Variants in CPSF4L observed in about 807,000 individuals in gnomAD.
The protein encoded by CPSF4L is putative cleavage and polyadenylation specificity factor subunit 4-like protein.
A neutral mutation model predicts 24.0 loss-of-function variants in CPSF4L; 18 were observed. The observed-to-expected ratio is 0.75, with a 90% CI of 0.52 to 1.11. The LOEUF is 1.11. CPSF4L is among the 50% of genes least tolerant of loss of function. CPSF4L has a pLI of 0.00. For synonymous variants in CPSF4L, 72 were observed against 77.2 expected, an observed-to-expected ratio of 0.93 and a Z score of 0.35; for missense variants, 211 against 221.8, an observed-to-expected ratio of 0.95 and a Z score of 0.31.
chr17:73,245,032 C>A, downstream of CPSF4L: 2 of 752,388 alleles, frequency 2.7e-6, no homozygotes, highest in South Asian at 2.0e-5. Context: ...GAAAGTGAAA[C>A]AAACTTCTCA....
chr17:73,252,765 C>A, intron 4 of CPSF4L, 42 bp from the exon 5 acceptor site: 1 of 1,408,144 alleles, frequency 7.1e-7, no homozygotes, highest in South Asian at 1.3e-5. Flanking sequence ...TCCGCTTCAG[C>A]AAGAGGGGAA....
At chr17:73,249,444 TAGC>T (rs1208095614) in intron 5 of CPSF4L, among the ~76,000 whole-genome samples, 1 of 152,282 alleles carries the variant, frequency 6.6e-6, no homozygotes, top group Middle Eastern at 3.4e-3. Flanking sequence ...GTTCATCACA[TAGC>T]AGCCCCCATT....
intron 5 of CPSF4L, chr17:73,250,004 A>G (rs186649807): frequency 4.9e-6 from 2 of 407,588 alleles, no homozygotes; most frequent in Admixed American, 4.3e-5. Flanking sequence ...TTTTGGTTTT[A>G]TGTACATTTT....
At chr17:73,257,887 A>G (rs2062029754) in intron 2 of CPSF4L, 54 bp from the exon 3 acceptor site, 1 of 1,540,522 alleles carries the variant, frequency 6.5e-7, no homozygotes, top group Non-Finnish European at 8.8e-7. Context: ...GCCTGGGCCC[A>G]GCTCAGCCCT....
At chr17:73,258,631 T>A (rs1306953229) in intron 2 of CPSF4L, among the ~76,000 whole-genome samples, 3 of 152,218 alleles carry the variant, frequency 2.0e-5, no homozygotes, top group Admixed American at 2.0e-4. Flanking sequence ...GCACAGCTGT[T>A]CCCACTACCA....
intron 2 of CPSF4L, among the ~76,000 whole-genome samples, chr17:73,259,667 G>A (rs371184451): frequency 8.5e-5 from 13 of 152,226 alleles, no homozygotes; most frequent in African/African-American, 2.9e-4. Flanking sequence ...GGTCCTGGGT[G>A]CACAAGGCCT....
chr17:73,245,412 G>A, downstream of CPSF4L: 1 of 1,204,196 alleles, frequency 8.3e-7, no homozygotes, highest in Non-Finnish European at 1.0e-6. Flanking sequence ...TTCTTGGCTT[G>A]CTCTCAGGAG....
chr17:73,242,163 CGTGGATCCT>C, the CPSF4L span: 1 of 868,780 alleles, frequency 1.2e-6, no homozygotes, highest in Non-Finnish European at 1.8e-6. Flanking sequence ...GAGGCTTAGC[CGTGGATCCT>C]TCGGCACTGG....
At chr17:73,257,941 C>A (rs1389241055) in intron 2 of CPSF4L, 108 bp from the exon 3 acceptor site, 3 of 1,204,256 alleles carry the variant, frequency 2.5e-6, no homozygotes, top group Admixed American at 2.3e-5. Flanking sequence ...TCCCCAGCGG[C>A]TGTCCCCTTA....
At chr17:73,250,177 G>A in intron 5 of CPSF4L, 1 of 1,487,210 alleles carries the variant, frequency 6.7e-7, no homozygotes, top group Admixed American at 2.1e-5. Context: ...GGCTTACTGT[G>A]GAACTTGGGA....
At chr17:73,249,945 T>G in intron 5 of CPSF4L, 4 of 265,888 alleles carry the variant, frequency 1.5e-5, no homozygotes, top group Non-Finnish European at 2.8e-5. Context: ...GACCTGTTGG[T>G]AGGAGCTGAG....
intron 5 of CPSF4L, chr17:73,250,899 A>G: frequency 8.4e-7 from 1 of 1,185,538 alleles, no homozygotes; most frequent in South Asian, 1.8e-5. Flanking sequence ...GTCATTCTCC[A>G]GCTCCCTGAT....
chr17:73,260,967 C>T lies in CPSF4L; in HGVS notation c.120G>A (p.Val40=), dbSNP rs1450979518. ...FQGMDKSASA[V]CNFFTKGLCE... is the part of the protein sequence containing the mutation. ...AGAGCCCTTTAGTGAAGAAGTTGCACACAGCTGAGGCCGACTCTGGAAGGA... is the reference window on the plus strand; with the variant it reads ...AGAGCCCTTTAGTGAAGAAGTTGCATACAGCTGAGGCCGACTCTGGAAGGA... The change falls in exon 2 of 6, where the codon GTG becomes GTA. Residue 40 remains valine (V), a synonymous_variant. Transcript: ENST00000344935. The T allele has an allele frequency of 6.4e-7, 1 of 1,550,504 alleles. No homozygotes were observed. The highest frequency in any genetic ancestry group is 8.7e-7 in the Non-Finnish European group (1 of 1,146,258).
At position 73,253,899 on chromosome 17, in the gene CPSF4L, C is replaced by T. The variant is rs899995888; in HGVS notation, c.403+32G>A. The T allele has an allele frequency of 3.4e-6, 5 of 1,470,944 alleles. No homozygotes were observed. In the East Asian group the frequency reaches 9.9e-5, roughly 29 times the overall value. The allele number at this position is 1,470,944 out of a possible 1,614,324, so 91.1% of individuals were successfully genotyped here. A position where few individuals can be genotyped will look rare whatever the true frequency, so the allele number is the denominator to read the frequency against. The stretch of plus-strand genomic sequence containing the variant: ...AGAGCTCCCACCCTGATCCCCACAG[C>T]CCCTAGGGCTCCCTGGCTTCCAAGG... On this transcript the variant is annotated intron_variant, in intron 4 of 5. Coordinates refer to ENST00000344935, the MANE Select transcript of CPSF4L (RefSeq NM_001129885.1).
intron 5 of CPSF4L, 124 bp downstream of exon 5, chr17:73,252,506 G>A: frequency 1.5e-6 from 1 of 688,734 alleles, no homozygotes; most frequent in South Asian, 1.7e-5. Context: ...GGAAAATACT[G>A]GAGCGGATGC....
At chr17:73,248,417 C>T, downstream of CPSF4L, 5 of 1,268,202 alleles carry the variant, frequency 3.9e-6, no homozygotes, top group South Asian at 6.4e-5. Context: ...TAAAATCATG[C>T]TGCAGAAGGA....
In CPSF4L at chr17:73,257,962, T is replaced by C. The variant is rs1840046898; in HGVS notation, c.155-129A>G. ...GCGGCTGTCCCCTTATCCCTTCACC[T>C]GGACCCTGTAGGGGCTGGAACTGGG... On this transcript the variant is annotated intron_variant, in intron 2 of 5. Transcript: ENST00000344935. The C allele has an allele frequency of 3.3e-6, 3 of 910,756 alleles. No individual in the cohort carries two copies. In the South Asian group the frequency reaches 5.2e-5, roughly 16 times the overall value. 56.4% of individuals were successfully genotyped at this position (910,756 alleles called of 1,614,324 possible).
Position 73,254,451 on chromosome 17 carries a change from C to G in CPSF4L, c.308-425G>C, listed in dbSNP as rs539640445. 1.8e-3 allele frequency among the ~76,000 whole-genome samples: 273 copies of G among 152,302 alleles called. 1 individual carries two copies. The highest frequency in any genetic ancestry group is 6.3e-3 in the African/African-American group (262 of 41,564). Reference sequence around the variant, plus strand: ...TGCAGAGCCTAGGGAAGCTGTTCCCCTTGGTGGAAATGCAAAGAAAAGCAG... The same window carrying G: ...TGCAGAGCCTAGGGAAGCTGTTCCCGTTGGTGGAAATGCAAAGAAAAGCAG... On this transcript the variant is annotated intron_variant, in intron 3 of 5. Coordinates refer to ENST00000344935, the MANE Select transcript of CPSF4L (RefSeq NM_001129885.1).
At chr17:73,245,756 T>C (rs2061941875), downstream of CPSF4L, 7 of 976,174 alleles carry the variant, frequency 7.2e-6, no homozygotes, top group Non-Finnish European at 8.5e-6. Flanking sequence ...CTTACAAATA[T>C]TTTTAAGCTG....
Sources: gnomAD v4.1 joint callset for allele counts (sites outside exome capture counted in the v4.1 genomes callset) on GRCh38, gnomAD v4.1.1 for gene constraint, MANE v1.5 for transcripts, NCBI Gene and HGNC (gene_info 2026-07-23, HGNC 2026-07-21) for gene names.